Variants in COL5A2 observed in about 807,000 individuals in gnomAD.
COL5A2 encodes collagen type V alpha 2 chain.
A neutral mutation model predicts 208.2 loss-of-function variants in COL5A2; 23 were observed. That is an observed-to-expected ratio of 0.11 (90% CI 0.08 to 0.16). COL5A2 has a LOEUF of 0.16. COL5A2 is among the 10% of genes least tolerant of loss of function. The pLI is 1.00. For missense variants in COL5A2, 1,590 were observed against 1,956.4 expected (o/e 0.81, Z 3.53); for synonymous variants, 625 against 628.5 (o/e 0.99, Z 0.08).
At chr2:189,377,282 C>G in the COL5A2 span, among the ~76,000 whole-genome samples, 5 of 152,288 alleles carry the variant, frequency 3.3e-5, no homozygotes, top group East Asian at 7.7e-4. Context: ...TTGTTAAGAC[C>G]CAGGTCAAAA....
chr2:189,292,932 T>G, the COL5A2 span, among the ~76,000 whole-genome samples: 2 of 152,108 alleles, frequency 1.3e-5, no homozygotes, highest in African/African-American at 2.4e-5. Context: ...CCATAAAAAA[T>G]GATGAGTTCA....
intron 1 of COL5A2, among the ~76,000 whole-genome samples, chr2:189,113,564 T>G (rs1249833823): frequency 6.7e-6 from 1 of 149,466 alleles, no homozygotes; most frequent in Non-Finnish European, 1.5e-5. Context: ...TATATAACAT[T>G]GTGGAGTGCT....
chr2:189,072,059 G>T lies in COL5A2; in HGVS notation c.1139C>A (p.Pro380Gln). 1.2e-6 allele frequency: 2 copies of T among 1,607,828 alleles called. No homozygotes were observed. Among genetic ancestry groups the T allele is most frequent in the Non-Finnish European group, 1.7e-6 (2 of 1,175,766 alleles). The change falls in exon 18 of 54, where the codon CCA becomes CAA. Residue 380 changes from proline to glutamine, a missense_variant. Physicochemically the swap from Pro to Gln is moderately conservative, Grantham distance 76. Transcript: ENST00000374866. ...PLGIPGSSGF[P>Q]GNPGMKGEAG... ...TCTTACCTTCATTCCAGGATTTCCT[G>T]GAAAACCAGAAGAGCCTGGTATCCC...
chr2:189,322,967 T>C, the COL5A2 span, among the ~76,000 whole-genome samples: 1 of 148,860 alleles, frequency 6.7e-6, no homozygotes, highest in African/African-American at 2.5e-5. Context: ...AAAAAGCTTA[T>C]CCACCATGAT....
At position 189,035,124 on chromosome 2, in the gene COL5A2, G is replaced by T. The variant is rs1685417929; in HGVS notation, c.4145C>A (p.Thr1382Lys). 6.2e-7 allele frequency: 1 copy of T among 1,613,898 alleles called. No homozygotes were observed. The highest frequency in any genetic ancestry group is 8.5e-7 in the Non-Finnish European group (1 of 1,179,876). The change falls in exon 53 of 54, where the codon ACA (threonine) becomes AAA (lysine). Residue 1382 changes from threonine to lysine, a missense_variant. Coordinates refer to ENST00000374866, the MANE Select transcript of COL5A2 (RefSeq NM_000393.5). Reference protein sequence around the residue: ...FAYGDHQSPNTAITQMTFLRL... With the variant: ...FAYGDHQSPNKAITQMTFLRL... ...CAAAAAAGTCATCTGAGTAATGGCTGTATTAGGTGATTGGTGGTCTCCATA... is the reference window on the plus strand; with the variant it reads ...CAAAAAAGTCATCTGAGTAATGGCTTTATTAGGTGATTGGTGGTCTCCATA...
chr2:189,361,448 C>T, the COL5A2 span, among the ~76,000 whole-genome samples: 3 of 151,874 alleles, frequency 2.0e-5, no homozygotes, highest in African/African-American at 4.8e-5. Context: ...TCTTGGTTTC[C>T]ATTTGCATGG....
chr2:189,215,426 T>C (rs1321119475), intron 1 of COL5A2, among the ~76,000 whole-genome samples: 1 of 152,170 alleles, frequency 6.6e-6, no homozygotes, highest in Non-Finnish European at 1.5e-5. Context: ...CTCCAAAATG[T>C]AGCATAAAAA....
the COL5A2 span, among the ~76,000 whole-genome samples, chr2:189,319,278 G>A: frequency 6.6e-6 from 1 of 152,224 alleles, no homozygotes; most frequent in African/African-American, 2.4e-5. Context: ...TCCAACTTAG[G>A]TACTGGGTTC....
intron 1 of COL5A2, among the ~76,000 whole-genome samples, chr2:189,168,390 G>T (rs990228089): frequency 1.3e-5 from 2 of 152,012 alleles, no homozygotes; most frequent in African/African-American, 4.8e-5. Flanking sequence ...TAGGAACTTT[G>T]CAGTTAATCT....
At position 189,052,763 on chromosome 2, in the gene COL5A2, T is replaced by C; in HGVS notation, c.2701A>G (p.Thr901Ala). Residue 901 changes from threonine (T) to alanine (A), a missense_variant, in exon 40 of 54, where the codon ACC becomes GCC. Transcript: ENST00000374866. ...AATAAACTTACAGGCGGACCTTGGG[T>C]TCCTCGACCACCTTTTAGTCCAGGA... Reference protein sequence around the residue: ...GVPGLKGGRGTQGPPGATGFP... With the variant: ...GVPGLKGGRGAQGPPGATGFP... The C allele has an allele frequency of 6.2e-7, 1 of 1,614,180 alleles. No homozygotes were observed. The highest frequency in any genetic ancestry group is 8.5e-7 in the Non-Finnish European group (1 of 1,180,000).
intron 12 of COL5A2, among the ~76,000 whole-genome samples, chr2:189,081,410 G>GA (rs1324093705): frequency 6.6e-6 from 1 of 151,812 alleles, no homozygotes; most frequent in Non-Finnish European, 1.5e-5. Context: ...TACCAAGGTA[G>GA]AAAAAAAATA....
chr2:189,265,620 T>C, the COL5A2 span, among the ~76,000 whole-genome samples: 2 of 152,170 alleles, frequency 1.3e-5, no homozygotes, highest in Non-Finnish European at 2.9e-5. Context: ...GGTTAAGACT[T>C]CAACAAATCT....
At chr2:189,429,207 C>T in the COL5A2 span, among the ~76,000 whole-genome samples, 4 of 152,062 alleles carry the variant, frequency 2.6e-5, no homozygotes, top group East Asian at 1.9e-4. Flanking sequence ...TTCAAGTCAT[C>T]GTGTTGTACA....
intron 11 of COL5A2, 47 bp downstream of exon 11, chr2:189,085,113 C>T (rs377650969): frequency 7.4e-5 from 109 of 1,474,666 alleles, no homozygotes; most frequent in Non-Finnish European, 7.9e-5. Context: ...ATTTTAACCC[C>T]TTCGCCTCTT....
At chr2:189,244,632 G>A in the COL5A2 span, among the ~76,000 whole-genome samples, 1 of 152,182 alleles carries the variant, frequency 6.6e-6, no homozygotes, top group Non-Finnish European at 1.5e-5. Context: ...CAGCATTTTG[G>A]TCAAAGTCAT....
At chr2:189,205,439 G>A (rs569215488) in intron 1 of COL5A2, among the ~76,000 whole-genome samples, 91 of 152,292 alleles carry the variant, frequency 6.0e-4, no homozygotes, top group African/African-American at 2.1e-3. Context: ...TAATTACAAT[G>A]TGAGGTTACT....
At chr2:189,065,418 A>G (rs1321843266) in intron 23 of COL5A2, among the ~76,000 whole-genome samples, 1 of 152,100 alleles carries the variant, frequency 6.6e-6, no homozygotes, top group Non-Finnish European at 1.5e-5. Flanking sequence ...TATCCCAGCT[A>G]CTCAAAAGGC....
Position 189,072,080 on chromosome 2 carries a change from A to G in COL5A2, c.1118T>C (p.Ile373Thr). Residue 373 changes from isoleucine (I) to threonine (T), a missense_variant, in exon 18 of 54, where the codon ATA becomes ACA. Coordinates refer to ENST00000374866, the MANE Select transcript of COL5A2 (RefSeq NM_000393.5). ...GKPGPMGPLG[I>T]PGSSGFPGNP... ...TCCTGGAAAACCAGAAGAGCCTGGT[A>G]TCCCAAGAGGACCCTATTAAAAGAA... The G allele has an allele frequency of 6.2e-7, 1 of 1,608,732 alleles. No individual in the cohort carries two copies. Among genetic ancestry groups the G allele is most frequent in the African/African-American group, 1.3e-5 (1 of 74,946 alleles).
chr2:189,056,564 C>T (rs755702656), intron 35 of COL5A2, among the ~76,000 whole-genome samples: 3 of 152,038 alleles, frequency 2.0e-5, no homozygotes, highest in Non-Finnish European at 4.4e-5. Flanking sequence ...CTCACCCCAA[C>T]ATCCAATATA....
Sources: allele counts gnomAD v4.1 joint callset (sites outside exome capture counted in the v4.1 genomes callset), GRCh38; gene constraint gnomAD v4.1.1; transcripts MANE v1.5; gene names NCBI Gene and HGNC (gene_info 2026-07-23, HGNC 2026-07-21).